The following ARHGAP10 variants were observed in gnomAD, a reference collection of about 807,000 sequenced individuals.
ARHGAP10 encodes the protein rho GTPase-activating protein 10.
Under a neutral mutation model 108.6 loss-of-function variants are expected in ARHGAP10, and 87 were observed. That is an observed-to-expected ratio of 0.80 (90% CI 0.67 to 0.96). The LOEUF (loss-of-function observed/expected upper bound fraction) is 0.96. ARHGAP10 is among the 40% of genes least tolerant of loss of function. The pLI is 0.00. For synonymous variants in ARHGAP10, 347 were observed against 341.1 expected, an observed-to-expected ratio of 1.02 and a Z score of -0.19; for missense variants, 939 against 954.5, an observed-to-expected ratio of 0.98 and a Z score of 0.21.
chr4:147,949,780 T>C (rs1738526030), intron 15 of ARHGAP10, among the ~76,000 whole-genome samples: 1 of 152,226 alleles, frequency 6.6e-6, no homozygotes, highest in Non-Finnish European at 1.5e-5. Flanking sequence ...TTGACTGAGA[T>C]GACTCAGTTA....
chr4:147,917,198 A>AT (rs1737024686), intron 13 of ARHGAP10: 1 of 151,910 alleles, frequency 6.6e-6, no homozygotes, highest in African/African-American at 2.4e-5. Context: ...CCAGCTGGTA[A>AT]TTGGGCCTGA....
chr4:147,934,188 A>G (rs540784116), intron 13 of ARHGAP10, among the ~76,000 whole-genome samples: 1 of 152,352 alleles, frequency 6.6e-6, no homozygotes, highest in South Asian at 2.1e-4. Flanking sequence ...CTTGGCAGAT[A>G]GTTTCAACTG....
intron 1 of ARHGAP10, among the ~76,000 whole-genome samples, chr4:147,770,155 T>A (rs183562695): frequency 6.6e-4 from 100 of 152,314 alleles, no homozygotes; most frequent in African/African-American, 2.3e-3. Context: ...ATGTTGTAAT[T>A]GGAGAATCTG....
intron 10 of ARHGAP10, among the ~76,000 whole-genome samples, chr4:147,899,550 A>G (rs544848714): frequency 6.6e-6 from 1 of 152,328 alleles, no homozygotes; most frequent in East Asian, 1.9e-4. Context: ...TGGAAGCAAC[A>G]GTTCTCTAAT....
intron 15 of ARHGAP10, among the ~76,000 whole-genome samples, chr4:147,949,914 C>T (rs1466758102): frequency 1.3e-5 from 2 of 152,036 alleles, no homozygotes; most frequent in Admixed American, 1.3e-4. Flanking sequence ...ACTAGAGGCC[C>T]TTTTTATTTA....
chr4:147,833,019 A>C lies in ARHGAP10; in HGVS notation c.312+10062A>C, dbSNP rs570331614. Among the ~76,000 whole-genome samples, 4 of 152,332 alleles carry C rather than the reference A, an allele frequency of 2.6e-5. No individual in the cohort carries two copies. The East Asian group carries it at 5.8e-4, about 22-fold the overall frequency. On this transcript the variant is annotated intron_variant, in intron 3 of 22. Coordinates refer to ENST00000336498, the MANE Select transcript of ARHGAP10 (RefSeq NM_024605.4). Reference sequence around the variant, plus strand: ...CGTTGAGACCTGGTTAGGTCAAGGAAGTGCTGGTATCAGTATCCAAAGAGT... The same window carrying C: ...CGTTGAGACCTGGTTAGGTCAAGGACGTGCTGGTATCAGTATCCAAAGAGT...
At chr4:147,831,445 C>T (rs1038418501) in intron 3 of ARHGAP10, among the ~76,000 whole-genome samples, 2 of 152,168 alleles carry the variant, frequency 1.3e-5, no homozygotes, top group Non-Finnish European at 2.9e-5. Context: ...CCTTTAGTTT[C>T]ATCTTATTAT....
intron 3 of ARHGAP10, among the ~76,000 whole-genome samples, chr4:147,835,916 C>T (rs80059293): frequency 0.012 from 1,851 of 152,206 alleles, 17 homozygotes; most frequent in Non-Finnish European, 0.017. Flanking sequence ...TCTTACTGTC[C>T]CTTATGCACA....
intron 1 of ARHGAP10, among the ~76,000 whole-genome samples, chr4:147,766,831 TATATA>T (rs1560747026): frequency 9.9e-4 from 111 of 111,652 alleles, no homozygotes; most frequent in African/African-American, 1.6e-3. Context: ...TATATATATA[TATATA>T]TATTTATTTA....
At chr4:147,777,266 T>C (rs1269677625) in intron 1 of ARHGAP10, among the ~76,000 whole-genome samples, 3 of 151,236 alleles carry the variant, frequency 2.0e-5, no homozygotes, top group East Asian at 1.9e-4. Context: ...GATTTTCTTT[T>C]TTTTTTTTTT....
chr4:147,745,953 A>AT (rs1275099918), intron 1 of ARHGAP10, among the ~76,000 whole-genome samples: 1 of 146,240 alleles, frequency 6.8e-6, no homozygotes, highest in African/African-American at 2.5e-5. Flanking sequence ...CACCTGGCTA[A>AT]TTTTTTGCAT....
chr4:148,054,042 G>A (rs1317316060), intron 20 of ARHGAP10, among the ~76,000 whole-genome samples: 1 of 152,150 alleles, frequency 6.6e-6, no homozygotes, highest in Non-Finnish European at 1.5e-5. Context: ...ATTAAGTCTT[G>A]CATCAGTCAT....
chr4:148,063,051 G>T, intron 20 of ARHGAP10, 97 bp from the exon 21 acceptor site: 1 of 1,442,852 alleles, frequency 6.9e-7, no homozygotes, highest in East Asian at 2.3e-5. Context: ...CATGATAGGG[G>T]AATTAGTGAC....
intron 1 of ARHGAP10, among the ~76,000 whole-genome samples, chr4:147,765,875 CCATTT>C (rs1729786908): frequency 6.6e-6 from 1 of 152,136 alleles, no homozygotes; most frequent in African/African-American, 2.4e-5. Context: ...ATGTTCTATC[CCATTT>C]TGGAGATACA....
chr4:147,772,667 C>T (rs1354652212), intron 1 of ARHGAP10, among the ~76,000 whole-genome samples: 3 of 152,172 alleles, frequency 2.0e-5, no homozygotes, highest in Non-Finnish European at 4.4e-5. Context: ...AGGGTATAAA[C>T]GGCCACAGAA....
intron 12 of ARHGAP10, among the ~76,000 whole-genome samples, chr4:147,912,515 TCAAAA>T (rs1736785920): frequency 6.9e-6 from 1 of 143,924 alleles, no homozygotes; most frequent in South Asian, 2.2e-4. Flanking sequence ...AGACTCCCTC[TCAAAA>T]CAAAAACAAA....
At chr4:147,946,448 C>T (rs1465008837) in intron 14 of ARHGAP10, 169 bp from the exon 15 acceptor site, 1 of 536,900 alleles carries the variant, frequency 1.9e-6, no homozygotes, top group Non-Finnish European at 3.2e-6. Context: ...AGTGTCTAGT[C>T]ATAGAACATA....
At chr4:147,928,057 A>G (rs1262359889) in intron 13 of ARHGAP10, among the ~76,000 whole-genome samples, 2 of 152,168 alleles carry the variant, frequency 1.3e-5, no homozygotes, top group African/African-American at 4.8e-5. Context: ...TTGCCTAGAA[A>G]CTGAAAACGA....
intron 20 of ARHGAP10, among the ~76,000 whole-genome samples, chr4:148,055,711 T>C (rs898883961): frequency 6.6e-6 from 1 of 152,240 alleles, no homozygotes; most frequent in East Asian, 1.9e-4. Flanking sequence ...AATAAAGATA[T>C]TTGTTCTCAA....
Sources: allele counts gnomAD v4.1 joint callset (sites outside exome capture counted in the v4.1 genomes callset), GRCh38; gene constraint gnomAD v4.1.1; transcripts MANE v1.5; gene names NCBI Gene and HGNC (gene_info 2026-07-23, HGNC 2026-07-21).